The following SLC25A21 variants were observed in gnomAD, a reference collection of about 807,000 sequenced individuals.
SLC25A21 encodes the protein mitochondrial 2-oxodicarboxylate carrier.
A neutral mutation model predicts 43.8 loss-of-function variants in SLC25A21; 47 were observed. That is an observed-to-expected ratio of 1.07 (90% confidence interval 0.85 to 1.37). The LOEUF (loss-of-function observed/expected upper bound fraction) is 1.37. SLC25A21 is among the 40% of genes most tolerant of loss of function. SLC25A21 has a pLI of 0.00. For missense variants in SLC25A21, 352 were observed against 350.2 expected (o/e 1.00, Z -0.04); for synonymous variants, 131 against 121.3 (o/e 1.08, Z -0.52).
At chr14:36,745,281 G>A (rs912377719) in intron 3 of SLC25A21, among the ~76,000 whole-genome samples, 17 of 151,986 alleles carry the variant, frequency 1.1e-4, no homozygotes, top group Non-Finnish European at 2.1e-4. Context: ...CTTTGCTATT[G>A]TGAATAGTGC....
intron 1 of SLC25A21, among the ~76,000 whole-genome samples, chr14:36,960,072 A>G (rs1207024072): frequency 6.6e-6 from 1 of 152,236 alleles, no homozygotes; most frequent in Non-Finnish European, 1.5e-5. Context: ...AAAAGCCTAC[A>G]GTGCAAAGGT....
intron 1 of SLC25A21, among the ~76,000 whole-genome samples, chr14:36,966,498 T>C (rs1483454258): frequency 6.6e-6 from 1 of 152,120 alleles, no homozygotes; most frequent in Admixed American, 6.5e-5. Flanking sequence ...TGATCTAAAG[T>C]CCCATTTGAT....
chr14:36,843,046 C>T (rs779060386), intron 2 of SLC25A21, among the ~76,000 whole-genome samples: 1 of 152,144 alleles, frequency 6.6e-6, no homozygotes, highest in African/African-American at 2.4e-5. Context: ...AGGGTTCATG[C>T]TCCTATGAGA....
chr14:37,132,117 G>C (rs549169202), intron 1 of SLC25A21, among the ~76,000 whole-genome samples: 3 of 152,198 alleles, frequency 2.0e-5, no homozygotes, highest in Admixed American at 6.5e-5. Context: ...GAGAGCATAC[G>C]TGTGAGAATG....
chr14:37,054,954 C>CA (rs1961789029), intron 1 of SLC25A21, among the ~76,000 whole-genome samples: 1 of 152,144 alleles, frequency 6.6e-6, no homozygotes, highest in African/African-American at 2.4e-5. Flanking sequence ...GAAACATTTC[C>CA]AGGGAGAAGG....
intron 3 of SLC25A21, among the ~76,000 whole-genome samples, chr14:36,806,609 G>A (rs1156656101): frequency 1.3e-5 from 2 of 152,162 alleles, no homozygotes; most frequent in East Asian, 3.9e-4. Flanking sequence ...GTATGTCCAT[G>A]CCTGAATTAA....
In SLC25A21 at chr14:36,725,562, A is replaced by G; in HGVS notation, c.438+8T>C. ...GCCCCTAACAATAGAAAAACATTAA[A>G]TGGTTACCTCTGCAAATGTGTTCCG... On this transcript the variant is annotated splice_region_variant and intron_variant, in intron 6 of 9. Transcript: ENST00000331299. 1 of 1,484,118 alleles carries G rather than the reference A, an allele frequency of 6.7e-7. No homozygotes were observed. The highest frequency in any genetic ancestry group is 9.0e-7 in the Non-Finnish European group (1 of 1,105,288). 91.9% of individuals were successfully genotyped at this position (1,484,118 alleles called of 1,614,324 possible). A position where few individuals can be genotyped will look rare whatever the true frequency, so the allele number is the denominator to read the frequency against.
At chr14:36,854,283 T>C (rs946403177) in intron 2 of SLC25A21, among the ~76,000 whole-genome samples, 2 of 152,202 alleles carry the variant, frequency 1.3e-5, no homozygotes, top group African/African-American at 4.8e-5. Context: ...GTCAGAGAAA[T>C]GAATTGTTGA....
chr14:36,712,400 A>T (rs980330008), intron 6 of SLC25A21, among the ~76,000 whole-genome samples: 1 of 151,054 alleles, frequency 6.6e-6, no homozygotes, highest in African/African-American at 2.4e-5. Flanking sequence ...CATTTGTTTG[A>T]TATTTCACTA....
chr14:36,731,969 C>A (rs10151075), intron 4 of SLC25A21, among the ~76,000 whole-genome samples: 29,672 of 151,956 alleles, frequency 0.2, 3,136 homozygotes, highest in Admixed American at 0.33. Context: ...CATCACAGGG[C>A]TCATTTCATT....
intron 1 of SLC25A21, among the ~76,000 whole-genome samples, chr14:36,895,887 G>T (rs1354567247): frequency 6.6e-6 from 1 of 152,170 alleles, no homozygotes; most frequent in African/African-American, 2.4e-5. Flanking sequence ...TAGTTTCATT[G>T]CACTGTGGTC....
At chr14:36,737,742 AC>A in intron 3 of SLC25A21, among the ~76,000 whole-genome samples, 3 of 152,236 alleles carry the variant, frequency 2.0e-5, no homozygotes, top group African/African-American at 7.2e-5. Context: ...AACATATAAA[AC>A]TAGGATTTCA....
At chr14:36,851,834 A>G (rs1889748318) in intron 2 of SLC25A21, among the ~76,000 whole-genome samples, 2 of 152,146 alleles carry the variant, frequency 1.3e-5, no homozygotes, top group African/African-American at 4.8e-5. Flanking sequence ...CTTGATACAC[A>G]CTGATGTTTG....
At chr14:36,685,414 T>A (rs1337167504) in intron 7 of SLC25A21, among the ~76,000 whole-genome samples, 1 of 152,136 alleles carries the variant, frequency 6.6e-6, no homozygotes, top group African/African-American at 2.4e-5. Context: ...GCCCGCCAGG[T>A]TTTTTGCATT....
intron 3 of SLC25A21, among the ~76,000 whole-genome samples, chr14:36,753,949 G>A (rs867121791): frequency 6.9e-6 from 1 of 144,596 alleles, no homozygotes; most frequent in African/African-American, 2.9e-5. Flanking sequence ...GAGAGAGAGA[G>A]AGAGAGAGAG....
intron 3 of SLC25A21, among the ~76,000 whole-genome samples, chr14:36,810,878 A>AAGAAG (rs1555329728): frequency 0.017 from 1,389 of 82,562 alleles, 26 homozygotes; most frequent in African/African-American, 0.054. Flanking sequence ...TATGTAGAGA[A>AAGAAG]AGAAAAGAGT....
chr14:37,055,506 T>A (rs1031708630), intron 1 of SLC25A21, among the ~76,000 whole-genome samples: 1 of 152,170 alleles, frequency 6.6e-6, no homozygotes, highest in South Asian at 2.1e-4. Flanking sequence ...AGAGACACCA[T>A]AGAACTTCTT....
intron 1 of SLC25A21, among the ~76,000 whole-genome samples, chr14:37,026,054 T>C (rs1961086074): frequency 6.6e-6 from 1 of 152,186 alleles, no homozygotes; most frequent in South Asian, 2.1e-4. Flanking sequence ...ACGCAGAAGA[T>C]ACTAGTCATC....
intron 7 of SLC25A21, among the ~76,000 whole-genome samples, chr14:36,705,362 C>G (rs1883487906): frequency 6.6e-6 from 1 of 152,002 alleles, no homozygotes; most frequent in Admixed American, 6.6e-5. Flanking sequence ...GTTTTAAGTT[C>G]CTATTTTACG....
Sources: allele counts gnomAD v4.1 joint callset (sites outside exome capture counted in the v4.1 genomes callset), GRCh38; gene constraint gnomAD v4.1.1; transcripts MANE v1.5; gene names NCBI Gene and HGNC (gene_info 2026-07-23, HGNC 2026-07-21).